FBXL7: variants seen among roughly 807,000 people sequenced by gnomAD.
The protein encoded by FBXL7 is F-box/LRR-repeat protein 7.
FBXL7 carries 12 observed loss-of-function variants against 38.3 expected under a neutral mutation model. The ratio of observed to expected loss-of-function variants is 0.31; its 90% confidence interval spans 0.20 to 0.51. The LOEUF is 0.51. Ranked by LOEUF, FBXL7 falls within the 20% of genes least tolerant of loss-of-function variation. The probability of loss-of-function intolerance (pLI) is 0.98; values close to 1 mark genes in which losing one functional copy is unlikely to be tolerated. For missense variants in FBXL7, 567 were observed against 676.4 expected (o/e 0.84, Z 1.79); for synonymous variants, 297 against 300.9 (o/e 0.99, Z 0.13).
chr5:15,793,816 C>G (rs563542217), intron 2 of FBXL7, among the ~76,000 whole-genome samples: 1 of 151,676 alleles, frequency 6.6e-6, no homozygotes, highest in South Asian at 2.1e-4. Context: ...GATATCTGCC[C>G]TGATTGTGGC....
At chr5:15,834,948 A>G (rs536099839) in intron 2 of FBXL7, among the ~76,000 whole-genome samples, 2 of 152,334 alleles carry the variant, frequency 1.3e-5, no homozygotes, top group East Asian at 3.9e-4. Context: ...CTTATCCTTT[A>G]ATTCCAGAAG....
intron 2 of FBXL7, among the ~76,000 whole-genome samples, chr5:15,762,403 AGGATGAAG>A (rs1249271037): frequency 6.6e-6 from 1 of 152,076 alleles, no homozygotes; most frequent in Non-Finnish European, 1.5e-5. Context: ...GCCTGGGAGC[AGGATGAAG>A]GGATCACTAA....
At chr5:15,614,251 G>GTTCTT (rs373461403) in intron 1 of FBXL7, among the ~76,000 whole-genome samples, 223 of 141,454 alleles carry the variant, frequency 1.6e-3, no homozygotes, top group South Asian at 0.016. Flanking sequence ...AATAGCTTGC[G>GTTCTT]TTCTTTTCTT....
At chr5:15,775,791 G>A (rs10054672) in intron 2 of FBXL7, among the ~76,000 whole-genome samples, 1 of 152,114 alleles carries the variant, frequency 6.6e-6, no homozygotes. Flanking sequence ...ATGTTGATAA[G>A]GTTAATCAAG....
chr5:15,544,908 C>T (rs1316868942), intron 1 of FBXL7, among the ~76,000 whole-genome samples: 1 of 152,208 alleles, frequency 6.6e-6, no homozygotes, highest in Non-Finnish European at 1.5e-5. Flanking sequence ...CAGATTATTA[C>T]ATATCTCCTT....
intron 1 of FBXL7, among the ~76,000 whole-genome samples, chr5:15,561,744 C>T (rs1738421175): frequency 6.6e-6 from 1 of 152,016 alleles, no homozygotes; most frequent in Admixed American, 6.6e-5. Flanking sequence ...TGATAACAGC[C>T]ATCCTAACAG....
intron 1 of FBXL7, among the ~76,000 whole-genome samples, chr5:15,555,993 CTATCTATCTATCTATCT>C (rs1738220465): frequency 8.3e-6 from 1 of 120,948 alleles, no homozygotes; most frequent in African/African-American, 3.6e-5. Context: ...ATCTATCTAT[CTATCTATCTATCTATCT>C]ATCTATCATC....
At chr5:15,923,855 C>T (rs185354967) in intron 2 of FBXL7, among the ~76,000 whole-genome samples, 4 of 152,090 alleles carry the variant, frequency 2.6e-5, no homozygotes, top group South Asian at 2.1e-4. Context: ...CTCCCCCCTC[C>T]GCCCCCATGC....
At position 15,500,564 on chromosome 5, in the gene FBXL7, G is replaced by A. The variant is rs572576226; in HGVS notation, c.-113G>A. On this transcript the variant is annotated 5_prime_UTR_variant, in exon 1 of 4. Coordinates refer to ENST00000504595, the MANE Select transcript of FBXL7 (RefSeq NM_012304.5). ...GCCGGAGGTCGGCCCCGGAGCTTGG[G>A]GGGGATGTGCAGCTAACGGTCCCGT... is the stretch of plus-strand genomic sequence containing the variant. The A allele has an allele frequency of 2.1e-6, 3 of 1,458,242 alleles. No individual in the cohort carries two copies. The highest frequency in any genetic ancestry group is 2.3e-5 in the East Asian group (1 of 44,026). 90.3% of individuals were successfully genotyped at this position (1,458,242 alleles called of 1,614,324 possible).
chr5:15,597,655 A>T (rs553391567), intron 1 of FBXL7, among the ~76,000 whole-genome samples: 6 of 148,958 alleles, frequency 4.0e-5, no homozygotes, highest in Non-Finnish European at 7.5e-5. Context: ...GAAAGCTTCA[A>T]TCCCTGGCCC....
At chr5:15,752,332 G>GA (rs35854240) in intron 2 of FBXL7, among the ~76,000 whole-genome samples, 95,848 of 151,806 alleles carry the variant, frequency 0.63, 30,997 homozygotes, top group East Asian at 0.73. Context: ...AATCTTGGGG[G>GA]AAAAATGGAA....
intron 2 of FBXL7, among the ~76,000 whole-genome samples, chr5:15,681,646 C>G (rs1393576714): frequency 6.6e-6 from 1 of 152,056 alleles, no homozygotes; most frequent in African/African-American, 2.4e-5. Flanking sequence ...AACAAAACTG[C>G]TTTTATTTAG....
chr5:15,936,022 AC>A lies in FBXL7; in HGVS notation c.740-427del. Among the ~76,000 whole-genome samples the A allele has an allele frequency of 6.6e-6, 1 of 152,254 alleles. No homozygotes were observed. The highest frequency in any genetic ancestry group is 2.4e-5 in the African/African-American group (1 of 41,556). ...CCAAACCAGGGCAGCTCAAGAACTC[AC>A]TTTTACTGAGCTCCTGGAACTTTCC... is the stretch of plus-strand genomic sequence containing the variant. On this transcript the variant is annotated intron_variant, in intron 3 of 3. Coordinates refer to ENST00000504595, the MANE Select transcript of FBXL7 (RefSeq NM_012304.5). The surrounding 1 kb of genome is among the most constrained non-coding windows in gnomAD (Gnocchi z 6.0).
chr5:15,863,085 A>G (rs1238284948), intron 2 of FBXL7, among the ~76,000 whole-genome samples: 2 of 152,110 alleles, frequency 1.3e-5, no homozygotes, highest in South Asian at 2.1e-4. Context: ...ATGTATAGCA[A>G]AGTGTTTAAA....
intron 1 of FBXL7, among the ~76,000 whole-genome samples, chr5:15,552,121 A>AT (rs36059973): frequency 2.0e-5 from 3 of 152,188 alleles, no homozygotes; most frequent in African/African-American, 7.2e-5. Context: ...AGTAATCACC[A>AT]TTTTTTCAGG....
At chr5:15,897,303 C>A (rs1687264351) in intron 2 of FBXL7, among the ~76,000 whole-genome samples, 1 of 152,160 alleles carries the variant, frequency 6.6e-6, no homozygotes, top group Non-Finnish European at 1.5e-5. Flanking sequence ...AAATCTAACG[C>A]CTTTGTTCGT....
At chr5:15,632,969 A>G (rs1561061392) in intron 2 of FBXL7, among the ~76,000 whole-genome samples, 1 of 152,198 alleles carries the variant, frequency 6.6e-6, no homozygotes, top group Non-Finnish European at 1.5e-5. Flanking sequence ...CAAGTAACAA[A>G]CCTACACATG....
Position 15,928,042 on chromosome 5 carries a change from A to ACCCCCCCCCCCCCCC in FBXL7, c.283_284insCCCCCCCCCCCCCCC (p.Thr94_Arg95insProProProProPro). 2.6e-6 allele frequency: 1 copy of ACCCCCCCCCCCCCCC among 386,346 alleles called. No homozygotes were observed. The highest frequency in any genetic ancestry group is 5.2e-6 in the Non-Finnish European group (1 of 194,146). The allele number at this position is 386,346 out of a possible 1,614,324, so 23.9% of individuals were successfully genotyped here. A position where few individuals can be genotyped will look rare whatever the true frequency, so the allele number is the denominator to read the frequency against. On this transcript the variant is annotated inframe_insertion, in exon 3 of 4. Coordinates refer to ENST00000504595, the MANE Select transcript of FBXL7 (RefSeq NM_012304.5). This position sits in a 1 kb window ranked among gnomAD's most constrained non-coding sequence, Gnocchi z 4.0. ...GGCCATGGTGCACTCCCCGCCCCCGACCCGCCTCACACACCCGCTCATCCG... is the reference window on the plus strand; with the variant it reads ...GGCCATGGTGCACTCCCCGCCCCCGACCCCCCCCCCCCCCCCCCGCCTCACACACCCGCTCATCCG...
chr5:15,773,362 G>A (rs763726599), intron 2 of FBXL7, among the ~76,000 whole-genome samples: 10 of 152,200 alleles, frequency 6.6e-5, no homozygotes, highest in Admixed American at 1.3e-4. Flanking sequence ...ACATTTTCCT[G>A]GCCAGGTGTT....
Sources: allele counts gnomAD v4.1 joint callset (sites outside exome capture counted in the v4.1 genomes callset), GRCh38; gene constraint gnomAD v4.1.1; non-coding constraint Gnocchi (gnomAD v3.1); transcripts MANE v1.5; gene names NCBI Gene and HGNC (gene_info 2026-07-23, HGNC 2026-07-21).